Variants in EOGT observed in about 807,000 individuals in gnomAD.
The protein encoded by EOGT is EGF domain-specific O-linked N-acetylglucosamine transferase.
In EOGT, 55 loss-of-function variants were observed where a neutral mutation model predicts 70.5. That is an observed-to-expected ratio of 0.78 (90% confidence interval 0.63 to 0.98). The LOEUF (loss-of-function observed/expected upper bound fraction) is 0.98. Among genes scored for constraint, EOGT ranks in the 50% least tolerant of loss-of-function variants. The pLI, the probability that EOGT is intolerant of heterozygous loss-of-function variation, is 0.00. For missense variants in EOGT, 703 were observed against 641.9 expected (o/e 1.10, Z -1.03); for synonymous variants, 246 against 217.1 (o/e 1.13, Z -1.17).
At chr3:69,006,318 C>G (rs2091440124) in intron 6 of EOGT, among the ~76,000 whole-genome samples, 1 of 152,198 alleles carries the variant, frequency 6.6e-6, no homozygotes, top group South Asian at 2.1e-4. Flanking sequence ...ATCCTGAGGC[C>G]TCATTCACCT....
At position 68,988,544 on chromosome 3, in the gene EOGT, G is replaced by A; in HGVS notation, c.958C>T (p.Pro320Ser). The change falls in exon 12 of 18, where the codon CCC becomes TCC. Residue 320 changes from proline to serine, a missense_variant. Transcript: ENST00000383701. ...CFKEAVFSLL[P>S]RMRYGLFYNT... Reference sequence around the variant, plus strand: ...TAGAACAGCCCATACCTCATGCGGGGGAGTAATGAAAAAACAGCTTCTTTA... The same window carrying A: ...TAGAACAGCCCATACCTCATGCGGGAGAGTAATGAAAAAACAGCTTCTTTA... 2 of 1,532,042 alleles carry A rather than the reference G, an allele frequency of 1.3e-6. No individual in the cohort carries two copies. Among genetic ancestry groups the A allele is most frequent in the Non-Finnish European group, 8.7e-7 (1 of 1,145,204 alleles). The allele number at this position is 1,532,042 out of a possible 1,614,324, so 94.9% of individuals were successfully genotyped here. A position where few individuals can be genotyped will look rare whatever the true frequency, so the allele number is the denominator to read the frequency against.
intron 10 of EOGT, among the ~76,000 whole-genome samples, chr3:68,992,375 T>C (rs1261832413): frequency 6.6e-6 from 1 of 152,156 alleles, no homozygotes; most frequent in African/African-American, 2.4e-5. Flanking sequence ...ACAGGGCCCA[T>C]GCAAGTCCGA....
At chr3:69,005,061 CAAAAAA>C in intron 7 of EOGT, 73 bp downstream of exon 7, 2 of 664,842 alleles carry the variant, frequency 3.0e-6, no homozygotes, top group Non-Finnish European at 4.8e-6. Flanking sequence ...GACCCTGTCT[CAAAAAA>C]AAAAAAAAAA....
In EOGT at chr3:68,979,799, C is replaced by G. The variant is rs753410325; in HGVS notation, c.1215-12G>C. On this transcript the variant is annotated splice_polypyrimidine_tract_variant and intron_variant, in intron 15 of 17. Coordinates refer to ENST00000383701, the MANE Select transcript of EOGT (RefSeq NM_001278689.2). ...AAAACCCAAGTTCTCTGTGAACATA[C>G]AGAATAACATGAGAGAGATGGGGAG... The G allele has an allele frequency of 6.2e-7, 1 of 1,611,512 alleles. No individual in the cohort carries two copies. The highest frequency in any genetic ancestry group is 8.5e-7 in the Non-Finnish European group (1 of 1,178,242).
chr3:68,989,652 A>T (rs201057328), intron 10 of EOGT, among the ~76,000 whole-genome samples: 1 of 151,294 alleles, frequency 6.6e-6, no homozygotes, highest in Non-Finnish European at 1.5e-5. Context: ...GGAGGCTGAG[A>T]CAGGAGAATC....
intron 9 of EOGT, among the ~76,000 whole-genome samples, chr3:68,999,107 G>A (rs562704539): frequency 1.3e-5 from 2 of 152,332 alleles, no homozygotes; most frequent in South Asian, 4.1e-4. Flanking sequence ...AACATTCTTA[G>A]ATGAGTTTAT....
At chr3:69,011,193 C>CTTTT (rs57904466) in intron 3 of EOGT, among the ~76,000 whole-genome samples, 3 of 113,272 alleles carry the variant, frequency 2.6e-5, no homozygotes, top group Admixed American at 1.0e-4. Flanking sequence ...GATCTTTGTT[C>CTTTT]TTTTTTTTTT....
intron 10 of EOGT, among the ~76,000 whole-genome samples, chr3:68,992,537 C>T (rs997738434): frequency 5.9e-5 from 9 of 152,182 alleles, no homozygotes; most frequent in Non-Finnish European, 8.8e-5. Context: ...TCCCTTCTGG[C>T]TGCTTTCACG....
intron 6 of EOGT, among the ~76,000 whole-genome samples, chr3:69,006,952 C>A (rs149903801): frequency 6.6e-6 from 1 of 152,160 alleles, no homozygotes. Context: ...TCTGCTATAA[C>A]GCTTATAAGC....
intron 10 of EOGT, among the ~76,000 whole-genome samples, chr3:68,990,797 A>G (rs907279737): frequency 5.3e-5 from 8 of 151,930 alleles, no homozygotes; most frequent in Non-Finnish European, 5.9e-5. Flanking sequence ...ACAGTTATAC[A>G]TTATGTTCAT....
intron 4 of EOGT, 128 bp from the exon 5 acceptor site, chr3:69,008,656 C>G (rs995316185): frequency 3.0e-6 from 2 of 660,028 alleles, no homozygotes; most frequent in Admixed American, 2.9e-5. Context: ...ATTCTTATAA[C>G]AATAAATTTA....
intron 13 of EOGT, chr3:68,987,909 C>A: frequency 3.1e-6 from 1 of 323,006 alleles, no homozygotes; most frequent in Non-Finnish European, 5.6e-6. Context: ...GACTCCAGGT[C>A]AGAAAATGTT....
At chr3:68,992,376 G>A (rs1230222313) in intron 10 of EOGT, among the ~76,000 whole-genome samples, 8 of 152,208 alleles carry the variant, frequency 5.3e-5, no homozygotes, top group African/African-American at 1.9e-4. Context: ...CAGGGCCCAT[G>A]CAAGTCCGAA....
chr3:68,992,750 C>G (rs555144985), intron 10 of EOGT, among the ~76,000 whole-genome samples: 204 of 152,384 alleles, frequency 1.3e-3, no homozygotes, highest in South Asian at 2.5e-3. Flanking sequence ...AGCCCCGCCC[C>G]TGCAGCAAAC....
At position 68,975,297 on chromosome 3, in the gene EOGT, G is replaced by C. The variant is rs992298137; in HGVS notation, c.*2321C>G. 2.0e-5 allele frequency: 3 copies of C among 152,528 alleles called. No homozygotes were observed. The highest frequency in any genetic ancestry group is 7.2e-5 in the African/African-American group (3 of 41,408). The allele number at this position is 152,528 out of a possible 1,614,324, so 9.4% of individuals were successfully genotyped here. ...TACAATGAAATACATCCCTGTTAAA[G>C]ACTTAATAAAAAGAGCAATCTTTAC... On this transcript the variant is annotated 3_prime_UTR_variant, in exon 18 of 18. Coordinates refer to ENST00000383701, the MANE Select transcript of EOGT (RefSeq NM_001278689.2).
chr3:68,988,977 T>G lies in EOGT; in HGVS notation c.872A>C (p.Asn291Thr), dbSNP rs1466081112. The G allele has an allele frequency of 1.3e-6, 2 of 1,532,994 alleles. No homozygotes were observed. Among genetic ancestry groups the G allele is most frequent in the Non-Finnish European group, 1.7e-6 (2 of 1,145,310 alleles). The allele number at this position is 1,532,994 out of a possible 1,614,324, so 95.0% of individuals were successfully genotyped here. Residue 291 changes from asparagine to threonine, a missense_variant, in exon 11 of 18, where the codon AAT becomes ACT. Physicochemically the swap from Asn to Thr is moderately conservative, Grantham distance 65. Transcript: ENST00000383701. ...TATAACGTCATAATCAGTAAATGCA[T>G]TCCATGTGTCGGAGAATAGGTCACC... ...GYGDLFSDTW[N>T]AFTDYDVIHL...
intron 4 of EOGT, 151 bp downstream of exon 4, chr3:69,009,486 A>C (rs2107399752): frequency 1.6e-6 from 1 of 606,944 alleles, no homozygotes; most frequent in Non-Finnish European, 2.9e-6. Context: ...CAGTTTAGTC[A>C]CTTAGAAGTA....
rs989467532 is a variant in EOGT, at chr3:68,982,561, A to C, written c.1214+250T>G. On this transcript the variant is annotated intron_variant, in intron 15 of 17. Coordinates refer to ENST00000383701, the MANE Select transcript of EOGT (RefSeq NM_001278689.2). The stretch of plus-strand genomic sequence containing the variant: ...ACAAACAAAAAATTCTGAAATTTTA[A>C]ATGAAAATCTGAATTCATCACTTCT... Among the ~76,000 whole-genome samples, 5 of 152,226 alleles carry C rather than the reference A, an allele frequency of 3.3e-5. No homozygotes were observed. In the East Asian group the frequency reaches 7.7e-4, roughly 23 times the overall value.
At chr3:68,997,385 T>C (rs2091179995) in intron 10 of EOGT, among the ~76,000 whole-genome samples, 1 of 151,784 alleles carries the variant, frequency 6.6e-6, no homozygotes, top group Admixed American at 6.6e-5. Flanking sequence ...TTTTTTTTTT[T>C]TGAGACAGAG....
Sources: gnomAD v4.1 joint callset for allele counts (sites outside exome capture counted in the v4.1 genomes callset) on GRCh38, gnomAD v4.1.1 for gene constraint, MANE v1.5 for transcripts, NCBI Gene and HGNC (gene_info 2026-07-23, HGNC 2026-07-21) for gene names.